KSR2: variants seen among roughly 807,000 people sequenced by gnomAD.
KSR2 encodes the protein kinase suppressor of ras 2.
Under a neutral mutation model 107.8 loss-of-function variants are expected in KSR2, and 25 were observed. The ratio of observed to expected loss-of-function variants is 0.23; its 90% confidence interval spans 0.17 to 0.32. KSR2 has a LOEUF of 0.32. Ranked by LOEUF, KSR2 falls within the 10% of genes least tolerant of loss-of-function variation. KSR2 has a pLI of 1.00. For missense variants in KSR2, 887 were observed against 1,268.9 expected (o/e 0.70, Z 4.57); for synonymous variants, 480 against 507.0 (o/e 0.95, Z 0.71).
chr12:117,681,363 C>T (rs1885357491), intron 4 of KSR2, among the ~76,000 whole-genome samples: 1 of 152,046 alleles, frequency 6.6e-6, no homozygotes, highest in Admixed American at 6.5e-5. Flanking sequence ...GGTGGGAAGG[C>T]AGACCTGGCA....
chr12:117,818,371 T>C (rs1240470443), intron 3 of KSR2, among the ~76,000 whole-genome samples: 1 of 152,064 alleles, frequency 6.6e-6, no homozygotes, highest in Non-Finnish European at 1.5e-5. Context: ...CTAGGGCACG[T>C]TGTGTGCCCT....
chr12:117,671,566 C>T (rs481745), intron 4 of KSR2, among the ~76,000 whole-genome samples: 59,165 of 152,178 alleles, frequency 0.39, 14,046 homozygotes, highest in Middle Eastern at 0.54. Flanking sequence ...CTCTGGCACA[C>T]ATCACATTCC....
intron 1 of KSR2, among the ~76,000 whole-genome samples, chr12:117,860,963 C>T (rs529993235): frequency 1.2e-4 from 19 of 152,156 alleles, no homozygotes; most frequent in Non-Finnish European, 2.1e-4. Context: ...ATGTGATCCA[C>T]CCGCCTCGGC....
intron 1 of KSR2, among the ~76,000 whole-genome samples, chr12:117,967,378 A>G (rs1896830755): frequency 6.6e-6 from 1 of 151,752 alleles, no homozygotes; most frequent in Admixed American, 6.6e-5. Context: ...CACACCACCT[A>G]TGTGTGCTGA....
intron 14 of KSR2, among the ~76,000 whole-genome samples, chr12:117,520,309 T>C (rs1874672468): frequency 1.3e-5 from 2 of 152,210 alleles, no homozygotes; most frequent in African/African-American, 4.8e-5. Context: ...AGCGAAGCAC[T>C]TGCTGAAAGC....
intron 1 of KSR2, among the ~76,000 whole-genome samples, chr12:117,905,399 T>A (rs1463832033): frequency 6.6e-6 from 1 of 152,138 alleles, no homozygotes; most frequent in Non-Finnish European, 1.5e-5. Context: ...CACGTAACTA[T>A]TAAAATGCAA....
intron 14 of KSR2, among the ~76,000 whole-genome samples, chr12:117,507,996 C>G (rs754032806): frequency 6.6e-6 from 1 of 152,194 alleles, no homozygotes; most frequent in Non-Finnish European, 1.5e-5. Context: ...CCCTTGTCAT[C>G]TTCCCAGGGT....
chr12:117,484,666 A>T, intron 15 of KSR2, 117 bp from the exon 16 acceptor site: 1 of 1,015,904 alleles, frequency 9.8e-7, no homozygotes, highest in Non-Finnish European at 1.5e-6. Flanking sequence ...GACCACACTC[A>T]ACAGAGGCAG....
chr12:117,667,119 A>G (rs628644), intron 5 of KSR2, among the ~76,000 whole-genome samples: 75,923 of 152,060 alleles, frequency 0.5, 23,195 homozygotes, highest in Non-Finnish European at 0.68. Context: ...CAGCTGAGAG[A>G]CAGCCGGGAA....
At chr12:117,767,107 G>A (rs1024309038) in intron 3 of KSR2, among the ~76,000 whole-genome samples, 1 of 148,976 alleles carries the variant, frequency 6.7e-6, no homozygotes, top group African/African-American at 2.4e-5. Context: ...CCAAGCTAGA[G>A]TTATTTTGAG....
At chr12:117,586,285 A>G (rs570303849) in intron 5 of KSR2, among the ~76,000 whole-genome samples, 45 of 152,236 alleles carry the variant, frequency 3.0e-4, no homozygotes, top group Admixed American at 7.8e-4. Flanking sequence ...AAAGAAGAAA[A>G]TAAGAAATAA....
intron 1 of KSR2, among the ~76,000 whole-genome samples, chr12:117,869,939 C>T (rs1447184994): frequency 2.0e-5 from 3 of 152,242 alleles, no homozygotes; most frequent in African/African-American, 7.2e-5. Flanking sequence ...AGCTGTGAGG[C>T]TGGTACTTTC....
intron 3 of KSR2, among the ~76,000 whole-genome samples, chr12:117,775,302 C>T (rs555788173): frequency 6.6e-6 from 1 of 152,358 alleles, no homozygotes; most frequent in African/African-American, 2.4e-5. Flanking sequence ...GACTTCCCCA[C>T]ATCCTCACCA....
rs114942540 is a variant in KSR2, at chr12:117,585,955, T to G, written c.1172-3596A>C. 8.5e-3 allele frequency among the ~76,000 whole-genome samples: 1,301 copies of G among 152,318 alleles called. 23 individuals are homozygous for G. The highest frequency in any genetic ancestry group is 0.029 in the African/African-American group (1,197 of 41,566). Reference sequence around the variant, plus strand: ...GAAGGAGGGAGGATTCTTCTCCCCTTGCACAGGTCTTGCTGTTGATGTCTT... The same window carrying G: ...GAAGGAGGGAGGATTCTTCTCCCCTGGCACAGGTCTTGCTGTTGATGTCTT... On this transcript the variant is annotated intron_variant, in intron 5 of 19. Transcript: ENST00000339824.
intron 1 of KSR2, among the ~76,000 whole-genome samples, chr12:117,923,405 T>G (rs906618984): frequency 3.3e-5 from 5 of 152,124 alleles, no homozygotes; most frequent in Admixed American, 1.3e-4. Flanking sequence ...ACTGCCATGA[T>G]GCCAGATGTA....
At chr12:117,857,953 T>C (rs535360934) in intron 2 of KSR2, among the ~76,000 whole-genome samples, 2 of 152,284 alleles carry the variant, frequency 1.3e-5, no homozygotes, top group East Asian at 3.9e-4. Context: ...CTCAAGATGC[T>C]CAGTGACTAA....
chr12:117,683,322 G>A (rs1885446088), intron 4 of KSR2, among the ~76,000 whole-genome samples: 1 of 151,942 alleles, frequency 6.6e-6, no homozygotes, highest in Non-Finnish European at 1.5e-5. Context: ...AGAGTCAACT[G>A]TTATTTAATA....
At chr12:117,677,021 G>A (rs1406628779) in intron 4 of KSR2, among the ~76,000 whole-genome samples, 11 of 152,090 alleles carry the variant, frequency 7.2e-5, no homozygotes, top group African/African-American at 2.2e-4. Context: ...GTCCATCATC[G>A]GGATAAGGTG....
intron 4 of KSR2, among the ~76,000 whole-genome samples, chr12:117,759,393 C>T (rs1292316046): frequency 1.3e-5 from 2 of 152,148 alleles, no homozygotes; most frequent in South Asian, 2.1e-4. Context: ...GTCTGCAAAG[C>T]CTAAAGTATT....
Sources: allele counts gnomAD v4.1 joint callset (sites outside exome capture counted in the v4.1 genomes callset), GRCh38; gene constraint gnomAD v4.1.1; transcripts MANE v1.5; gene names NCBI Gene and HGNC (gene_info 2026-07-23, HGNC 2026-07-21).